PIEZO2: variants seen among roughly 807,000 people sequenced by gnomAD.
PIEZO2 encodes the protein piezo type mechanosensitive ion channel component 2.
PIEZO2 carries 172 observed loss-of-function variants against 337.3 expected under a neutral mutation model. The ratio of observed to expected loss-of-function variants is 0.51; its 90% CI spans 0.45 to 0.58. PIEZO2 has a LOEUF of 0.58. PIEZO2 is among the 20% of genes least tolerant of loss of function. PIEZO2 has a pLI of 0.00. For synonymous variants in PIEZO2, 1,251 were observed against 1,228.5 expected, an observed-to-expected ratio of 1.02 and a Z score of -0.38; for missense variants, 3,028 against 3,391.3, an observed-to-expected ratio of 0.89 and a Z score of 2.66.
Position 10,699,109 on chromosome 18 carries a change from C to T in PIEZO2, c.6510G>A (p.Glu2170=). The T allele has an allele frequency of 6.5e-7, 1 of 1,537,224 alleles. No homozygotes were observed. The change falls in exon 44 of 56, where the codon GAG becomes GAA. Residue 2170 remains glutamate, a synonymous_variant. Coordinates refer to ENST00000674853, the MANE Select transcript of PIEZO2 (RefSeq NM_001378183.1). ...CCCTCCTGCCATGACCGAGGGAGAG[C>T]TCATCATCTGATTCCTCCCTGGCCA... ...SGMAREESDD[E]LSLGHGRRDS...
rs1484332016 is a variant in PIEZO2 at position 10,888,957 on chromosome 18, G to T, written c.330-17542C>A. Among the ~76,000 whole-genome samples the T allele has an allele frequency of 1.3e-5, 2 of 152,036 alleles. No homozygotes were observed. The highest frequency in any genetic ancestry group is 3.9e-4 in the East Asian group (2 of 5,184). On this transcript the variant is annotated intron_variant, in intron 4 of 55. Transcript: ENST00000674853. The surrounding 1 kb of genome is among the most constrained non-coding windows in gnomAD (Gnocchi z 4.1). ...ATGCTGCTACAGCCAACAGTTCAAG[G>T]GGTCATTTCATGATCCTAATGTGCA...
At chr18:11,013,474 T>G (rs1329387011) in intron 2 of PIEZO2, among the ~76,000 whole-genome samples, 2 of 152,266 alleles carry the variant, frequency 1.3e-5, no homozygotes, top group Non-Finnish European at 2.9e-5. Context: ...AGTAATTTAT[T>G]ACACCAGCAA....
Position 10,794,867 on chromosome 18 carries a change from A to G in PIEZO2, c.1663T>C (p.Leu555=). 6.5e-7 allele frequency: 1 copy of G among 1,537,586 alleles called. No homozygotes were observed. The highest frequency in any genetic ancestry group is 8.7e-7 in the Non-Finnish European group (1 of 1,146,728). The change falls in exon 13 of 56, where the codon TTG becomes CTG. Residue 555 remains leucine (L), a synonymous_variant. Transcript: ENST00000674853. This position sits in a 1 kb window ranked among gnomAD's most constrained non-coding sequence, Gnocchi z 6.6. Reference sequence around the variant, plus strand: ...AAACTCCATATATACTGTAATATCAACAATAGGTTTCCATAAACCACCATG... The same window carrying G: ...AAACTCCATATATACTGTAATATCAGCAATAGGTTTCCATAAACCACCATG... ...PFMVVYGNLL[L]ILQYIWSFEL...
In PIEZO2 at chr18:10,980,521, G is replaced by A. The variant is rs1271714053; in HGVS notation, c.161-861C>T. Among the ~76,000 whole-genome samples, 1 of 152,130 alleles carries A rather than the reference G, an allele frequency of 6.6e-6. No individual in the cohort carries two copies. The highest frequency in any genetic ancestry group is 1.5e-5 in the Non-Finnish European group (1 of 68,024). Reference sequence around the variant, plus strand: ...CATATCACTGGATGTACTGGTCAATGCCATAAGATAAGAGATACAATGAAG... The same window carrying A: ...CATATCACTGGATGTACTGGTCAATACCATAAGATAAGAGATACAATGAAG... On this transcript the variant is annotated intron_variant, in intron 2 of 55. Coordinates refer to ENST00000674853, the MANE Select transcript of PIEZO2 (RefSeq NM_001378183.1). This position sits in a 1 kb window ranked among gnomAD's most constrained non-coding sequence, Gnocchi z 4.8.
At chr18:10,799,625 T>C (rs1178930538) in intron 11 of PIEZO2, among the ~76,000 whole-genome samples, 1 of 152,092 alleles carries the variant, frequency 6.6e-6, no homozygotes, top group African/African-American at 2.4e-5. Flanking sequence ...CAAAAAGCCT[T>C]GCAAAAGTTA....
intron 40 of PIEZO2, 47 bp from the exon 41 acceptor site, chr18:10,705,793 A>T: frequency 6.9e-7 from 1 of 1,448,448 alleles, no homozygotes. Flanking sequence ...TAGCATCCAC[A>T]CTCCTGGGGT....
Position 11,099,602 on chromosome 18 carries a change from GATCACA to G in PIEZO2, c.65-33386_65-33381del, listed in dbSNP as rs2039353589. Among the ~76,000 whole-genome samples the G allele has an allele frequency of 1.3e-5, 2 of 152,214 alleles. No individual in the cohort carries two copies. Among genetic ancestry groups the G allele is most frequent in the Admixed American group, 6.5e-5 (1 of 15,284 alleles). ...TGGCCTTAGCCTCCCGAGTAGCGGG[GATCACA>G]GGTGCCTGCCACCATGCCTAGCTAA... On this transcript the variant is annotated intron_variant, in intron 1 of 55. Coordinates refer to ENST00000674853, the MANE Select transcript of PIEZO2 (RefSeq NM_001378183.1). This position sits in a 1 kb window ranked among gnomAD's most constrained non-coding sequence, Gnocchi z 5.4.
Position 10,766,356 on chromosome 18 carries a change from A to G in PIEZO2, c.2947-3258T>C, listed in dbSNP as rs1297140935. 6.6e-6 allele frequency among the ~76,000 whole-genome samples: 1 copy of G among 152,160 alleles called. No individual in the cohort carries two copies. Among genetic ancestry groups the G allele is most frequent in the African/African-American group, 2.4e-5 (1 of 41,452 alleles). ...AAGGAGGAGGAGGAGGACAATGACT[A>G]TGACAAATACCTGGGCCACAACCAA... On this transcript the variant is annotated intron_variant, in intron 21 of 55. Coordinates refer to ENST00000674853, the MANE Select transcript of PIEZO2 (RefSeq NM_001378183.1). The surrounding 1 kb of genome is among the most constrained non-coding windows in gnomAD (Gnocchi z 6.1).
In PIEZO2 at chr18:10,726,989, G is replaced by A. The variant is rs1450199364; in HGVS notation, c.5029+4418C>T. On this transcript the variant is annotated intron_variant, in intron 36 of 55. Transcript: ENST00000674853. The surrounding 1 kb of genome is among the most constrained non-coding windows in gnomAD (Gnocchi z 5.9). ...GGCCCTGGACAGAAGCTCCAGATAG[G>A]CCCCCAGAACATGAAGCTGTTTGCT... 15 of 1,109,704 alleles carry A rather than the reference G, an allele frequency of 1.4e-5. No homozygotes were observed. The allele number at this position is 1,109,704 out of a possible 1,614,324, so 68.7% of individuals were successfully genotyped here.
rs533971009 is a variant in PIEZO2 at position 10,734,855 on chromosome 18, C to T, written c.4914+377G>A. On this transcript the variant is annotated intron_variant, in intron 35 of 55. Transcript: ENST00000674853. ...TTTTATTAGCTTATCCAGAATTTTA[C>T]CAGCTTTCTGAGAAAAATTATCACC... Among the ~76,000 whole-genome samples, 19 of 152,228 alleles carry T rather than the reference C, an allele frequency of 1.2e-4. No homozygotes were observed. The South Asian group carries it at 3.3e-3, about 27-fold the overall frequency.
intron 2 of PIEZO2, among the ~76,000 whole-genome samples, chr18:11,029,061 A>G (rs2036638677): frequency 6.6e-6 from 1 of 152,258 alleles, no homozygotes; most frequent in Non-Finnish European, 1.5e-5. Context: ...ATAGCAAAAA[A>G]TTAATTGGGA....
intron 37 of PIEZO2, among the ~76,000 whole-genome samples, chr18:10,717,791 A>G (rs1336095124): frequency 6.6e-6 from 1 of 152,204 alleles, no homozygotes; most frequent in African/African-American, 2.4e-5. Context: ...CTAACCTTCT[A>G]GAGTATCACT....
Position 10,762,396 on chromosome 18 carries a change from G to T in PIEZO2, c.3249+104C>A, listed in dbSNP as rs2038171582. On this transcript the variant is annotated intron_variant, in intron 23 of 55. Coordinates refer to ENST00000674853, the MANE Select transcript of PIEZO2 (RefSeq NM_001378183.1). ...GGTGATGCCAAATCCCACATGAGAA[G>T]ATATGGTTACTATCAAATGTGATGT... is the stretch of plus-strand genomic sequence containing the variant. 4.4e-6 allele frequency: 6 copies of T among 1,356,078 alleles called. No individual in the cohort carries two copies. The South Asian group carries it at 8.8e-5, about 20-fold the overall frequency. The allele number at this position is 1,356,078 out of a possible 1,614,324, so 84.0% of individuals were successfully genotyped here.
At chr18:10,957,304 A>T (rs927270092) in intron 3 of PIEZO2, among the ~76,000 whole-genome samples, 4 of 151,910 alleles carry the variant, frequency 2.6e-5, no homozygotes, top group Admixed American at 6.6e-5. Flanking sequence ...GGCTGAGGTA[A>T]GAGAGTCGCT....
At chr18:10,960,236 T>C (rs2033706721) in intron 3 of PIEZO2, among the ~76,000 whole-genome samples, 1 of 152,156 alleles carries the variant, frequency 6.6e-6, no homozygotes, top group Non-Finnish European at 1.5e-5. Context: ...ATTCTAGAAC[T>C]AGTTTTAAAT....
At chr18:10,986,818 A>C (rs2145526357) in intron 2 of PIEZO2, among the ~76,000 whole-genome samples, 1 of 151,926 alleles carries the variant, frequency 6.6e-6, no homozygotes, top group South Asian at 2.1e-4. Flanking sequence ...GTTTTGAAAA[A>C]CCTAAAAATC....
intron 47 of PIEZO2, among the ~76,000 whole-genome samples, chr18:10,694,249 G>C (rs1422973626): frequency 6.6e-6 from 1 of 151,946 alleles, no homozygotes; most frequent in African/African-American, 2.4e-5. Context: ...AAATCGAACG[G>C]TCAGAACCTA....
At position 10,748,728 on chromosome 18, in the gene PIEZO2, A is replaced by T; in HGVS notation, c.4265-98T>A. 8.8e-7 allele frequency: 1 copy of T among 1,140,276 alleles called. No individual in the cohort carries two copies. The highest frequency in any genetic ancestry group is 1.2e-6 in the Non-Finnish European group (1 of 841,526). 70.6% of individuals were successfully genotyped at this position (1,140,276 alleles called of 1,614,324 possible). On this transcript the variant is annotated intron_variant, in intron 29 of 55. Transcript: ENST00000674853. This position sits in a 1 kb window ranked among gnomAD's most constrained non-coding sequence, Gnocchi z 5.1. Reference sequence around the variant, plus strand: ...ATGGTCAGGCTTGGGAAATATAGGCATAAAAGCAGCATTCTGATGCTCTGA... The same window carrying T: ...ATGGTCAGGCTTGGGAAATATAGGCTTAAAAGCAGCATTCTGATGCTCTGA...
Position 10,878,587 on chromosome 18 carries a change from T to G in PIEZO2, c.330-7172A>C, listed in dbSNP as rs758573908. On this transcript the variant is annotated intron_variant, in intron 4 of 55. Transcript: ENST00000674853. This position sits in a 1 kb window ranked among gnomAD's most constrained non-coding sequence, Gnocchi z 4.3. ...GAAAATATTTCAAAAACAAAAGAAA[T>G]GAAGTGTATCTAATGAACATTAAAT... Among the ~76,000 whole-genome samples, 2 of 152,108 alleles carry G rather than the reference T, an allele frequency of 1.3e-5. No individual in the cohort carries two copies. The highest frequency in any genetic ancestry group is 2.9e-5 in the Non-Finnish European group (2 of 68,014).
Sources: allele counts gnomAD v4.1 joint callset (sites outside exome capture counted in the v4.1 genomes callset), GRCh38; gene constraint gnomAD v4.1.1; non-coding constraint Gnocchi (gnomAD v3.1); transcripts MANE v1.5; gene names NCBI Gene and HGNC (gene_info 2026-07-23, HGNC 2026-07-21).